LRRC71: variants seen among roughly 807,000 people sequenced by gnomAD.
The protein encoded by LRRC71 is leucine rich repeat containing 71, also known as leucine-rich repeat-containing protein 71.
A neutral mutation model predicts 66.6 loss-of-function variants in LRRC71; 54 were observed. The observed-to-expected ratio is 0.81, with a 90% confidence interval of 0.65 to 1.02. LRRC71 has a LOEUF of 1.02. LRRC71 is among the 50% of genes least tolerant of loss of function. The pLI is 0.00. For missense variants in LRRC71, 724 were observed against 718.0 expected (o/e 1.01, Z -0.10); for synonymous variants, 323 against 303.9 (o/e 1.06, Z -0.65).
chr1:156,930,193 A>G (rs1425752382), intron 11 of LRRC71, among the ~76,000 whole-genome samples: 1 of 150,630 alleles, frequency 6.6e-6, no homozygotes, highest in African/African-American at 2.4e-5. Context: ...CCTGGGTTCA[A>G]GCAGTTCTCC....
intron 9 of LRRC71, 59 bp from the exon 10 acceptor site, chr1:156,929,221 C>T: frequency 6.5e-7 from 1 of 1,543,624 alleles, no homozygotes; most frequent in Non-Finnish European, 8.8e-7. Flanking sequence ...ACCTTTCATG[C>T]CCCCATTGAG....
At chr1:156,936,229 T>G (rs1655081231), downstream of LRRC71, 1 of 794,222 alleles carries the variant, frequency 1.3e-6, no homozygotes, top group African/African-American at 1.7e-5. Context: ...GAACTCCACT[T>G]TCATCAGCGC....
chr1:156,924,056 C>A lies in LRRC71; in HGVS notation c.268C>A (p.Pro90Thr), dbSNP rs1254110757. ...KVVNRPRPHP[P>T]FVPSASLSEK... ...TGTCAACCGGCCCCGCCCCCACCCG[C>A]CCTTCGTCCCCTCCGCCTCTTTGTC... Residue 90 changes from proline (P) to threonine (T), a missense_variant, in exon 2 of 15, where the codon CCC (proline) becomes ACC (threonine). Transcript: ENST00000337428. 6 of 1,548,828 alleles carry A rather than the reference C, an allele frequency of 3.9e-6. 1 individual carries two copies. In the South Asian group the frequency reaches 7.2e-5, roughly 18 times the overall value.
intron 9 of LRRC71, among the ~76,000 whole-genome samples, chr1:156,928,276 T>C (rs1280039558): frequency 6.6e-6 from 1 of 152,234 alleles, no homozygotes; most frequent in Non-Finnish European, 1.5e-5. Context: ...GGCTCATCCA[T>C]ATCCCAGCTT....
intron 1 of LRRC71, chr1:156,921,488 C>A: frequency 1.3e-5 from 3 of 239,010 alleles, no homozygotes; most frequent in Non-Finnish European, 2.0e-5. Context: ...TGATACAAAT[C>A]TGCCAGCTTC....
downstream of LRRC71, among the ~76,000 whole-genome samples, chr1:156,934,484 C>T (rs761924866): frequency 2.0e-4 from 30 of 151,942 alleles, no homozygotes; most frequent in Admixed American, 1.2e-3. Flanking sequence ...GCTCATGAGA[C>T]CTCTTGACTC....
At chr1:156,936,035 TGTCTTCCAGGGGGGC>T (rs1557804893), downstream of LRRC71, 1 of 1,613,990 alleles carries the variant, frequency 6.2e-7, no homozygotes, top group South Asian at 1.1e-5. Context: ...TCTGCTGTGC[TGTCTTCCAGGGGGGC>T]GTCAGAGCCT....
intron 5 of LRRC71, among the ~76,000 whole-genome samples, chr1:156,926,461 T>A (rs1048192159): frequency 5.9e-5 from 9 of 152,116 alleles, no homozygotes; most frequent in African/African-American, 2.2e-4. Flanking sequence ...CAGAGAGCAC[T>A]CAAGACGGAA....
chr1:156,932,868 C>A lies in LRRC71; in HGVS notation c.1579C>A (p.Pro527Thr). ...WLSLAKNCFA[P>T]QCPAYAIIQE... is the part of the protein sequence containing the mutation. ...TTCTTTTCAGAAAAATTGCTTCGCC[C>A]CACAATGTCCTGCGTACGCCATAAT... The change falls in exon 15 of 15, where the codon CCA becomes ACA. Residue 527 changes from proline (P) to threonine (T), a missense_variant. Coordinates refer to ENST00000337428, the MANE Select transcript of LRRC71 (RefSeq NM_144702.3). The A allele has an allele frequency of 6.2e-7, 1 of 1,609,718 alleles. No homozygotes were observed. Among genetic ancestry groups the A allele is most frequent in the South Asian group, 1.1e-5 (1 of 89,808 alleles).
the LRRC71 span, chr1:156,940,034 G>A: frequency 2.7e-6 from 4 of 1,476,544 alleles, no homozygotes; most frequent in Non-Finnish European, 3.6e-6. Flanking sequence ...GGAGGGCTCT[G>A]GCCAACTAGC....
Position 156,924,003 on chromosome 1 carries a change from G to C in LRRC71, c.215G>C (p.Arg72Pro). The C allele has an allele frequency of 6.5e-7, 1 of 1,547,312 alleles. No individual in the cohort carries two copies. ...ACCGACTTCGCCGAGCTCTGCACGCGGTGGGGCTACACGGACTTCCCCAAA... is the reference window on the plus strand; with the variant it reads ...ACCGACTTCGCCGAGCTCTGCACGCCGTGGGGCTACACGGACTTCCCCAAA... ...LETDFAELCT[R>P]WGYTDFPKVV... is the part of the protein sequence containing the mutation. Residue 72 changes from arginine (R) to proline (P), a missense_variant, in exon 2 of 15, where the codon CGG becomes CCG. Transcript: ENST00000337428.
downstream of LRRC71, among the ~76,000 whole-genome samples, chr1:156,936,482 A>AAAAAAAAAAAT (rs1655176531): frequency 1.5e-5 from 1 of 65,688 alleles, no homozygotes; most frequent in African/African-American, 7.0e-5. Flanking sequence ...AATAAATAGA[A>AAAAAAAAAAAT]AAAAAAAAAA....
At chr1:156,932,637 A>C in intron 14 of LRRC71, 92 bp downstream of exon 14, 1 of 1,613,052 alleles carries the variant, frequency 6.2e-7, no homozygotes, top group Non-Finnish European at 8.5e-7. Flanking sequence ...CTGTCTCCCC[A>C]TTTCCAAGGA....
At chr1:156,936,121 GTCTAGAAAGT>G, downstream of LRRC71, 7 of 1,528,452 alleles carry the variant, frequency 4.6e-6, no homozygotes, top group Non-Finnish European at 6.4e-6. Context: ...CACATGTTTT[GTCTAGAAAGT>G]TCAGGCTCAC....
intron 9 of LRRC71, among the ~76,000 whole-genome samples, chr1:156,928,429 TTCTTCTTCCTCTTCCTCCTCC>T (rs1313518675): frequency 5.5e-5 from 4 of 73,378 alleles, no homozygotes; most frequent in Admixed American, 4.3e-4. Context: ...CCTCCTCCTC[TTCTTCTTCCTCTTCCTCCTCC>T]TCTTCTTCTC....
At chr1:156,930,810 T>C (rs183088449) in intron 12 of LRRC71, among the ~76,000 whole-genome samples, 193 bp downstream of exon 12, 1 of 152,332 alleles carries the variant, frequency 6.6e-6, no homozygotes, top group East Asian at 1.9e-4. Flanking sequence ...ACCTTGGGCT[T>C]CTGTGGGAAT....
downstream of LRRC71, among the ~76,000 whole-genome samples, chr1:156,933,958 G>C (rs1454501804): frequency 2.0e-5 from 3 of 152,292 alleles, no homozygotes; most frequent in East Asian, 5.8e-4. Context: ...CCTGTCTCCT[G>C]CCTCTGAGTG....
Position 156,925,011 on chromosome 1 carries a change from C to G in LRRC71, c.589C>G (p.Leu197Val), listed in dbSNP as rs377204335. 1 of 1,551,716 alleles carries G rather than the reference C, an allele frequency of 6.4e-7. No individual in the cohort carries two copies. The change falls in exon 5 of 15, where the codon CTC becomes GTC. Residue 197 changes from leucine (L) to valine (V), a missense_variant. Physicochemically the swap from Leu to Val is conservative, Grantham distance 32. Transcript: ENST00000337428. ...GCTCCTGCCTCTCTGTTCATCCACG[C>G]TCAGGTCAGCAGACTGGGAGGCCCC... ...IELLPLCSST[L>V]RKVSLEGNPL...
At chr1:156,938,530 A>G in the LRRC71 span, 11 of 1,609,564 alleles carry the variant, frequency 6.8e-6, no homozygotes, top group Non-Finnish European at 9.3e-6. Context: ...CGACACCACC[A>G]CCACCAGGAA....
Sources: allele counts gnomAD v4.1 joint callset (sites outside exome capture counted in the v4.1 genomes callset), GRCh38; gene constraint gnomAD v4.1.1; transcripts MANE v1.5; gene names NCBI Gene and HGNC (gene_info 2026-07-23, HGNC 2026-07-21).